The following GLI3 variants were observed in gnomAD, a reference collection of about 807,000 sequenced individuals.
The protein encoded by GLI3 is transcription activator GLI3.
A neutral mutation model predicts 100.8 loss-of-function variants in GLI3; 20 were observed. The ratio of observed to expected loss-of-function variants is 0.20; its 90% CI spans 0.14 to 0.29. The LOEUF (loss-of-function observed/expected upper bound fraction) is 0.29, where lower values mean the gene tolerates loss of function less well. Ranked by LOEUF, GLI3 falls within the 10% of genes least tolerant of loss-of-function variation. The pLI, the probability that GLI3 is intolerant of heterozygous loss-of-function variation, is 1.00. For synonymous variants in GLI3, 938 were observed against 860.5 expected (o/e 1.09, Z -1.58); for missense variants, 2,040 against 2,128.5 (o/e 0.96, Z 0.82).
intron 3 of GLI3, among the ~76,000 whole-genome samples, chr7:42,127,586 T>C (rs936966355): frequency 6.6e-6 from 1 of 152,228 alleles, no homozygotes; most frequent in African/African-American, 2.4e-5. Context: ...TAAACTCCAG[T>C]AGTGTTTGGG....
rs991095946 is a variant in GLI3 at position 42,044,311 on chromosome 7, G to A, written c.826+1073C>T. Among the ~76,000 whole-genome samples, 7 of 152,334 alleles carry A rather than the reference G, an allele frequency of 4.6e-5. No homozygotes were observed. The South Asian group carries it at 6.2e-4, about 14-fold the overall frequency. The stretch of plus-strand genomic sequence containing the variant: ...TACTGTTGTCCTATTCAAAGGTAGT[G>A]GCTTTTGCTGATGTATGACTTGGAT... On this transcript the variant is annotated intron_variant, in intron 6 of 14. Coordinates refer to ENST00000395925, the MANE Select transcript of GLI3 (RefSeq NM_000168.6).
intron 2 of GLI3, among the ~76,000 whole-genome samples, chr7:42,191,136 T>G (rs1359972046): frequency 1.3e-5 from 2 of 151,698 alleles, no homozygotes; most frequent in African/African-American, 4.8e-5. Flanking sequence ...ATACAGCAAC[T>G]GAAAGGAAAA....
At chr7:41,968,789 A>G (rs978607168) in intron 13 of GLI3, among the ~76,000 whole-genome samples, 20 of 150,516 alleles carry the variant, frequency 1.3e-4, no homozygotes, top group Non-Finnish European at 2.2e-4. Flanking sequence ...AGAAAGAAAG[A>G]AAGAAAGAAA....
At chr7:42,226,138 C>T (rs1788576536) in intron 1 of GLI3, among the ~76,000 whole-genome samples, 1 of 152,174 alleles carries the variant, frequency 6.6e-6, no homozygotes, top group Admixed American at 6.5e-5. Context: ...TTGGGATAAG[C>T]AAGAATTTAC....
intron 3 of GLI3, among the ~76,000 whole-genome samples, chr7:42,078,392 T>C (rs1249098764): frequency 6.6e-6 from 1 of 152,088 alleles, no homozygotes; most frequent in East Asian, 1.9e-4. Context: ...ACTCTGTTTA[T>C]GAAGAAAAAA....
At chr7:42,113,310 G>A (rs1171289895) in intron 3 of GLI3, 19 of 607,670 alleles carry the variant, frequency 3.1e-5, no homozygotes, top group African/African-American at 1.1e-4. Context: ...ACCAAAGCCC[G>A]CACACCACCA....
At chr7:42,199,048 A>T (rs888359042) in intron 2 of GLI3, among the ~76,000 whole-genome samples, 1 of 152,178 alleles carries the variant, frequency 6.6e-6, no homozygotes, top group Admixed American at 6.5e-5. Flanking sequence ...GCATCTATAA[A>T]GCAGTCAGTT....
chr7:42,116,330 CA>C (rs1190678726), intron 3 of GLI3, among the ~76,000 whole-genome samples: 1 of 152,094 alleles, frequency 6.6e-6, no homozygotes. Flanking sequence ...GGGTAAAATT[CA>C]CCCAGGAAAC....
intron 10 of GLI3, among the ~76,000 whole-genome samples, chr7:42,004,373 GTAT>G (rs1788390819): frequency 2.0e-5 from 3 of 152,204 alleles, no homozygotes; most frequent in African/African-American, 7.2e-5. Context: ...TCACAGGAGT[GTAT>G]TATTAGAAAA....
At position 41,965,508 on chromosome 7, in the gene GLI3, G is replaced by A. The variant is rs1316453379; in HGVS notation, c.3565C>T (p.Arg1189Cys). ...CGPRPAVPQTRAFGFCNGMVV... is the reference protein window; with the variant it reads ...CGPRPAVPQTCAFGFCNGMVV... ...ATGCCGTTGCAGAACCCAAAGGCGC[G>A]AGTCTGCGGCACAGCGGGCCGCGGC... The change falls in exon 15 of 15, where the codon CGC becomes TGC. Residue 1189 changes from arginine to cysteine, a missense_variant. Coordinates refer to ENST00000395925, the MANE Select transcript of GLI3 (RefSeq NM_000168.6). 2.5e-6 allele frequency: 4 copies of A among 1,607,244 alleles called. No homozygotes were observed. The highest frequency in any genetic ancestry group is 1.1e-5 in the South Asian group (1 of 90,990).
chr7:42,056,940 C>A (rs1023756880), intron 4 of GLI3, among the ~76,000 whole-genome samples: 27 of 150,352 alleles, frequency 1.8e-4, no homozygotes, highest in Non-Finnish European at 3.4e-4. Flanking sequence ...TGAGATCACG[C>A]CATTGCACTC....
chr7:42,111,331 T>C (rs1232048909), intron 3 of GLI3, among the ~76,000 whole-genome samples: 1 of 151,970 alleles, frequency 6.6e-6, no homozygotes, highest in Non-Finnish European at 1.5e-5. Flanking sequence ...AGTGTGAGAG[T>C]GTTCTCATAG....
chr7:42,206,797 A>C (rs978390951), intron 2 of GLI3, among the ~76,000 whole-genome samples: 2 of 152,244 alleles, frequency 1.3e-5, no homozygotes, highest in Non-Finnish European at 2.9e-5. Context: ...ATATATATTA[A>C]GGCAGTAACC....
chr7:42,008,632 G>A (rs1046903876), intron 10 of GLI3, among the ~76,000 whole-genome samples: 1 of 152,148 alleles, frequency 6.6e-6, no homozygotes, highest in African/African-American at 2.4e-5. Context: ...CACTCTACAC[G>A]AGGCAAGTCT....
chr7:42,034,138 A>G (rs1413175208), intron 7 of GLI3, among the ~76,000 whole-genome samples: 3 of 152,220 alleles, frequency 2.0e-5, no homozygotes, highest in African/African-American at 7.2e-5. Context: ...TAGAAAAATC[A>G]TGTTAATATA....
intron 3 of GLI3, among the ~76,000 whole-genome samples, chr7:42,110,002 G>A (rs1434992120): frequency 6.6e-6 from 1 of 152,190 alleles, no homozygotes; most frequent in Non-Finnish European, 1.5e-5. Flanking sequence ...ATGGAATTAA[G>A]TGTCAGGAAT....
intron 2 of GLI3, among the ~76,000 whole-genome samples, chr7:42,170,568 A>T (rs1787350858): frequency 6.6e-6 from 1 of 151,586 alleles, no homozygotes; most frequent in African/African-American, 2.4e-5. Context: ...ACACCCAGCC[A>T]ATTTTTTGTA....
At chr7:42,125,702 A>G (rs1396807775) in intron 3 of GLI3, among the ~76,000 whole-genome samples, 1 of 152,218 alleles carries the variant, frequency 6.6e-6, no homozygotes, top group Non-Finnish European at 1.5e-5. Flanking sequence ...AAAGAAAAAC[A>G]ATGTTCAGGA....
chr7:42,175,540 C>A (rs1224590367), intron 2 of GLI3, among the ~76,000 whole-genome samples: 1 of 152,010 alleles, frequency 6.6e-6, no homozygotes, highest in Non-Finnish European at 1.5e-5. Context: ...ATCACTGGAA[C>A]CTGGGAGGCA....
Sources: gnomAD v4.1 joint callset for allele counts (sites outside exome capture counted in the v4.1 genomes callset) on GRCh38, gnomAD v4.1.1 for gene constraint, MANE v1.5 for transcripts, NCBI Gene and HGNC (gene_info 2026-07-23, HGNC 2026-07-21) for gene names.